Variants in TMC1 observed in about 807,000 individuals in gnomAD.
TMC1 encodes the protein transmembrane channel like 1.
Under a neutral mutation model 105.8 loss-of-function variants are expected in TMC1, and 84 were observed. The observed-to-expected ratio is 0.79, with a 90% CI of 0.67 to 0.95. The LOEUF is 0.95. Among genes scored for constraint, TMC1 ranks in the 40% least tolerant of loss-of-function variants. TMC1 has a pLI of 0.00. For missense variants in TMC1, 817 were observed against 914.1 expected, an observed-to-expected ratio of 0.89 and a Z score of 1.37; for synonymous variants, 315 against 311.5, an observed-to-expected ratio of 1.01 and a Z score of -0.12.
At chr9:72,525,257 T>G (rs1823385653) in intron 1 of TMC1, among the ~76,000 whole-genome samples, 1 of 152,104 alleles carries the variant, frequency 6.6e-6, no homozygotes, top group Non-Finnish European at 1.5e-5. Context: ...TAAAAATGAG[T>G]CATACCTATT....
At chr9:72,747,166 C>T (rs1379879475) in intron 10 of TMC1, among the ~76,000 whole-genome samples, 2 of 152,098 alleles carry the variant, frequency 1.3e-5, no homozygotes, top group African/African-American at 2.4e-5. Context: ...TTTGGATAGG[C>T]AAGCCAAAGC....
intron 1 of TMC1, among the ~76,000 whole-genome samples, chr9:72,523,222 CCTGT>C (rs1253587776): frequency 6.6e-6 from 1 of 150,970 alleles, no homozygotes; most frequent in Non-Finnish European, 1.5e-5. Context: ...TTGCAGTTAG[CCTGT>C]GGGGAAAATG....
chr9:72,824,050 C>T (rs183573193), intron 20 of TMC1, among the ~76,000 whole-genome samples: 76 of 152,350 alleles, frequency 5.0e-4, no homozygotes, highest in Non-Finnish European at 6.3e-4. Flanking sequence ...CCTGTCTACT[C>T]GGCCTGCTGT....
intron 1 of TMC1, among the ~76,000 whole-genome samples, chr9:72,561,659 G>A (rs184715834): frequency 8.9e-4 from 136 of 152,304 alleles, no homozygotes; most frequent in Non-Finnish European, 1.6e-3. Context: ...GAGCAAGTTG[G>A]TCTGAGGATC....
At chr9:72,712,810 T>C (rs774513684) in intron 8 of TMC1, among the ~76,000 whole-genome samples, 1 of 152,192 alleles carries the variant, frequency 6.6e-6, no homozygotes, top group Non-Finnish European at 1.5e-5. Flanking sequence ...CTATGTTGAA[T>C]AGGAGTGGTG....
At chr9:72,608,831 A>G (rs1824971388) in intron 2 of TMC1, among the ~76,000 whole-genome samples, 1 of 152,172 alleles carries the variant, frequency 6.6e-6, no homozygotes, top group Non-Finnish European at 1.5e-5. Flanking sequence ...TAACTCAAAT[A>G]CAGCTATTTT....
chr9:72,760,928 C>A (rs925759008), intron 12 of TMC1, among the ~76,000 whole-genome samples: 2 of 152,136 alleles, frequency 1.3e-5, no homozygotes, highest in African/African-American at 4.8e-5. Flanking sequence ...TATATCACAA[C>A]TCATCCAAAT....
chr9:72,681,745 G>T (rs982375488), intron 5 of TMC1, among the ~76,000 whole-genome samples: 1 of 151,986 alleles, frequency 6.6e-6, no homozygotes, highest in Non-Finnish European at 1.5e-5. Context: ...GATAGAATGG[G>T]GATCTTTATT....
At chr9:72,657,321 G>A (rs1216284044) in intron 5 of TMC1, among the ~76,000 whole-genome samples, 1 of 152,184 alleles carries the variant, frequency 6.6e-6, no homozygotes, top group Non-Finnish European at 1.5e-5. Context: ...AGAGATCACT[G>A]TAATTGCCTA....
At chr9:72,764,496 G>GACTGTCTCA (rs1358115461) in intron 12 of TMC1, among the ~76,000 whole-genome samples, 1 of 152,138 alleles carries the variant, frequency 6.6e-6, no homozygotes, top group Non-Finnish European at 1.5e-5. Context: ...TTTGTTAAGA[G>GACTGTCTCA]TTTTATGCAA....
At chr9:72,705,877 T>C (rs1358361538) in intron 8 of TMC1, among the ~76,000 whole-genome samples, 2 of 152,214 alleles carry the variant, frequency 1.3e-5, no homozygotes, top group Non-Finnish European at 2.9e-5. Context: ...ACCTATTGTT[T>C]CTGGGAGTTG....
At chr9:72,574,645 A>G (rs1377348950) in intron 1 of TMC1, among the ~76,000 whole-genome samples, 2 of 152,248 alleles carry the variant, frequency 1.3e-5, no homozygotes, top group Non-Finnish European at 2.9e-5. Context: ...GGGCTGATAC[A>G]GAATGCCAGG....
intron 18 of TMC1, among the ~76,000 whole-genome samples, chr9:72,810,147 A>C (rs1283046969): frequency 6.6e-6 from 1 of 151,848 alleles, no homozygotes. Context: ...AAAAAAAAAA[A>C]AAAAAAAAAC....
chr9:72,551,408 C>G (rs1823858150), intron 1 of TMC1, among the ~76,000 whole-genome samples: 1 of 152,138 alleles, frequency 6.6e-6, no homozygotes, highest in African/African-American at 2.4e-5. Context: ...AAACAAAGCA[C>G]CCCTATGCTC....
At chr9:72,835,920 T>TA in intron 23 of TMC1, 31 bp from the exon 24 acceptor site, 1 of 1,505,988 alleles carries the variant, frequency 6.6e-7, no homozygotes, top group Non-Finnish European at 8.8e-7. Flanking sequence ...TCCTTGTTTT[T>TA]TTTTTTTTTT....
At chr9:72,730,841 C>T (rs1423294862) in intron 8 of TMC1, among the ~76,000 whole-genome samples, 1 of 152,182 alleles carries the variant, frequency 6.6e-6, no homozygotes, top group African/African-American at 2.4e-5. Context: ...GAGTTCACAA[C>T]CTAGATCTCT....
At chr9:72,588,648 A>G (rs1046859711) in intron 2 of TMC1, among the ~76,000 whole-genome samples, 1 of 152,136 alleles carries the variant, frequency 6.6e-6, no homozygotes, top group African/African-American at 2.4e-5. Flanking sequence ...TCTATTCATC[A>G]AGGAGTTGTA....
chr9:72,667,265 C>T (rs556384717), intron 5 of TMC1, among the ~76,000 whole-genome samples: 4 of 152,214 alleles, frequency 2.6e-5, no homozygotes, highest in South Asian at 4.1e-4. Context: ...GGTTGACTTT[C>T]GGGTTCAGTG....
At chr9:72,586,342 G>GC (rs1483796958) in intron 2 of TMC1, among the ~76,000 whole-genome samples, 2 of 152,144 alleles carry the variant, frequency 1.3e-5, no homozygotes, top group Non-Finnish European at 2.9e-5. Flanking sequence ...GCTTGAACTA[G>GC]CTTTCTGTCT....
Sources: gnomAD v4.1 joint callset for allele counts (sites outside exome capture counted in the v4.1 genomes callset) on GRCh38, gnomAD v4.1.1 for gene constraint, MANE v1.5 for transcripts, NCBI Gene and HGNC (gene_info 2026-07-23, HGNC 2026-07-21) for gene names.